Variants in C1orf50 observed in about 807,000 individuals in gnomAD.
The protein encoded by C1orf50 is uncharacterized protein C1orf50.
A neutral mutation model predicts 23.3 loss-of-function variants in C1orf50; 22 were observed. That is an observed-to-expected ratio of 0.94 (90% CI 0.67 to 1.35). The LOEUF (loss-of-function observed/expected upper bound fraction) is 1.35, where lower values mean the gene tolerates loss of function less well. Ranked by LOEUF, C1orf50 falls within the 40% of genes most tolerant of loss-of-function variation. The probability of loss-of-function intolerance (pLI) is 0.00; values close to 1 mark genes in which losing one functional copy is unlikely to be tolerated. For missense variants in C1orf50, 271 were observed against 249.4 expected (o/e 1.09, Z -0.58); for synonymous variants, 96 against 102.4 (o/e 0.94, Z 0.38).
At chr1:42,771,225 A>G (rs974866908) in intron 2 of C1orf50, among the ~76,000 whole-genome samples, 25 of 152,124 alleles carry the variant, frequency 1.6e-4, no homozygotes, top group African/African-American at 5.3e-4. Flanking sequence ...TTTGGTATCT[A>G]TTACTCACTG....
intron 2 of C1orf50, among the ~76,000 whole-genome samples, chr1:42,768,594 C>T (rs1029196047): frequency 4.0e-5 from 6 of 151,678 alleles, no homozygotes; most frequent in East Asian, 1.9e-4. Context: ...AATTCAGATA[C>T]GCAGAAAGCT....
chr1:42,767,259 G>T lies in C1orf50; in HGVS notation c.-53G>T. On this transcript the variant is annotated 5_prime_UTR_variant, in exon 1 of 5. Coordinates refer to ENST00000372525, the MANE Select transcript of C1orf50 (RefSeq NM_024097.4). ...AAGCTCCGCCCACGCGCCTTTATGC[G>T]CAGGCTCTTCCTACTCGCACAGCCC... 6.9e-7 allele frequency: 1 copy of T among 1,456,072 alleles called. No homozygotes were observed. Among genetic ancestry groups the T allele is most frequent in the East Asian group, 2.5e-5 (1 of 40,462 alleles). 90.2% of individuals were successfully genotyped at this position (1,456,072 alleles called of 1,614,324 possible).
rs753852414 is a variant in C1orf50, at chr1:42,767,357, A to G, written c.46A>G (p.Arg16Gly). ...GGGGCGGACCGAGGGGGTCCTTGAA[A>G]GGCAAGGAGCGCCGCCAGCTGCAGG... ...APGRTEGVLERQGAPPAAGQG... is the reference protein window; with the variant it reads ...APGRTEGVLEGQGAPPAAGQG... The change falls in exon 1 of 5, where the codon AGG (arginine) becomes GGG (glycine). Residue 16 changes from arginine to glycine, a missense_variant. By Grantham distance (125) the Arg-to-Gly change is moderately radical (BLOSUM62 -2). Coordinates refer to ENST00000372525, the MANE Select transcript of C1orf50 (RefSeq NM_024097.4). The G allele has an allele frequency of 6.5e-7, 1 of 1,536,722 alleles. No individual in the cohort carries two copies. Among genetic ancestry groups the G allele is most frequent in the Non-Finnish European group, 8.7e-7 (1 of 1,146,236 alleles).
rs753487420 is a variant in C1orf50, at chr1:42,778,502, A to G, written c.*3108A>G. The G allele has an allele frequency of 2.0e-5, 3 of 152,172 alleles. No individual in the cohort carries two copies. Among genetic ancestry groups the G allele is most frequent in the African/African-American group, 7.2e-5 (3 of 41,440 alleles). 9.4% of individuals were successfully genotyped at this position (152,172 alleles called of 1,614,324 possible). A position where few individuals can be genotyped will look rare whatever the true frequency, so the allele number is the denominator to read the frequency against. ...TTCTGGAGGCTCCAATTGCCCTTTC[A>G]TAGGAAGTTTGTCTTTTGGGGGTTG... On this transcript the variant is annotated 3_prime_UTR_variant, in exon 5 of 5. Coordinates refer to ENST00000372525, the MANE Select transcript of C1orf50 (RefSeq NM_024097.4).
intron 2 of C1orf50, 140 bp from the exon 3 acceptor site, chr1:42,773,423 G>GA (rs1275260786): frequency 3.6e-6 from 2 of 551,868 alleles, no homozygotes; most frequent in African/African-American, 3.9e-5. Context: ...GGATGAGTGG[G>GA]AGGCTATGGG....
Position 42,767,322 on chromosome 1 carries a change from C to A in C1orf50, c.11C>A (p.Ala4Asp). 1 of 1,516,154 alleles carries A rather than the reference C, an allele frequency of 6.6e-7. No individual in the cohort carries two copies. The highest frequency in any genetic ancestry group is 1.3e-5 in the South Asian group (1 of 77,740). The allele number at this position is 1,516,154 out of a possible 1,614,324, so 93.9% of individuals were successfully genotyped here. A position where few individuals can be genotyped will look rare whatever the true frequency, so the allele number is the denominator to read the frequency against. Residue 4 changes from alanine (A) to aspartate (D), a missense_variant, in exon 1 of 5, where the codon GCC becomes GAC. Transcript: ENST00000372525. Reference protein sequence around the residue: MEDAAAPGRTEGVL... With the variant: MEDDAAPGRTEGVL... Reference sequence around the variant, plus strand: ...GGATAAGGCGCTGTCATGGAGGACGCCGCCGCGCCGGGGCGGACCGAGGGG... The same window carrying A: ...GGATAAGGCGCTGTCATGGAGGACGACGCCGCGCCGGGGCGGACCGAGGGG...
intron 2 of C1orf50, among the ~76,000 whole-genome samples, chr1:42,770,911 T>G (rs1332688701): frequency 6.6e-6 from 1 of 152,144 alleles, no homozygotes; most frequent in African/African-American, 2.4e-5. Flanking sequence ...TGGTCGGTCC[T>G]CTCCTTTCAT....
intron 2 of C1orf50, among the ~76,000 whole-genome samples, chr1:42,772,835 G>A (rs181127595): frequency 5.8e-4 from 88 of 152,180 alleles, no homozygotes; most frequent in African/African-American, 2.1e-3. Flanking sequence ...GTGACAGGTA[G>A]TCTTGTGTGT....
In C1orf50 at chr1:42,774,750, C is replaced by T. The variant is rs961077851; in HGVS notation, c.296C>T (p.Ala99Val). The T allele has an allele frequency of 1.2e-6, 2 of 1,611,556 alleles. No individual in the cohort carries two copies. Among genetic ancestry groups the T allele is most frequent in the Non-Finnish European group, 1.7e-6 (2 of 1,178,060 alleles). ...QEQARKVLED[A>V]HRDANLHHVA... ...TGTGATTCATAGGTACTGGAAGATG[C>T]TCACAGAGATGCCAACCTGCACCAT... Residue 99 changes from alanine (A) to valine (V), a missense_variant, in exon 4 of 5, where the codon GCT (alanine) becomes GTT (valine). Coordinates refer to ENST00000372525, the MANE Select transcript of C1orf50 (RefSeq NM_024097.4).
intron 2 of C1orf50, 124 bp downstream of exon 2, chr1:42,767,748 G>A (rs185372052): frequency 2.4e-6 from 2 of 849,258 alleles, no homozygotes; most frequent in Admixed American, 5.4e-5. Context: ...CCATTTTACA[G>A]ACGAGTAAAG....
chr1:42,772,171 G>GTAGC (rs1248654879), intron 2 of C1orf50, among the ~76,000 whole-genome samples: 1 of 152,158 alleles, frequency 6.6e-6, no homozygotes. Flanking sequence ...CTGACACATA[G>GTAGC]TAGCTGCCTA....
Position 42,777,770 on chromosome 1 carries a change from AAAG to A in C1orf50, c.*2377_*2379del, listed in dbSNP as rs1012023858. ...AGAAGAAAGGAAAATTCTAGGTAAA[AAAG>A]GCAATATTACTAAGTGGTTAAGTGT... On this transcript the variant is annotated 3_prime_UTR_variant, in exon 5 of 5. Transcript: ENST00000372525. The A allele has an allele frequency of 6.6e-6, 1 of 152,168 alleles. No homozygotes were observed. Among genetic ancestry groups the A allele is most frequent in the Non-Finnish European group, 1.5e-5 (1 of 68,048 alleles). 9.4% of individuals were successfully genotyped at this position (152,168 alleles called of 1,614,324 possible).
At position 42,778,017 on chromosome 1, in the gene C1orf50, C is replaced by T. The variant is rs1378404290; in HGVS notation, c.*2623C>T. 2 of 151,952 alleles carry T rather than the reference C, an allele frequency of 1.3e-5. No homozygotes were observed. The highest frequency in any genetic ancestry group is 1.3e-4 in the Admixed American group (2 of 15,256). The allele number at this position is 151,952 out of a possible 1,614,324, so 9.4% of individuals were successfully genotyped here. On this transcript the variant is annotated 3_prime_UTR_variant, in exon 5 of 5. Transcript: ENST00000372525. ...GAAAAGAGAGAAACTGCCTTCTGTTCAGTAAGATGTACTCCCTGCACTGAC... is the reference window on the plus strand; with the variant it reads ...GAAAAGAGAGAAACTGCCTTCTGTTTAGTAAGATGTACTCCCTGCACTGAC...
In C1orf50 at chr1:42,776,374, T is replaced by C. The variant is rs1033900267; in HGVS notation, c.*980T>C. On this transcript the variant is annotated 3_prime_UTR_variant, in exon 5 of 5. Transcript: ENST00000372525. Reference sequence around the variant, plus strand: ...TATTCTGACTAGGCTCTTGTAGGACTCTACCTTCTTTCCTATCTGTTTGGT... The same window carrying C: ...TATTCTGACTAGGCTCTTGTAGGACCCTACCTTCTTTCCTATCTGTTTGGT... 1 of 152,114 alleles carries C rather than the reference T, an allele frequency of 6.6e-6. No homozygotes were observed. Among genetic ancestry groups the C allele is most frequent in the Non-Finnish European group, 1.5e-5 (1 of 68,040 alleles). The allele number at this position is 152,114 out of a possible 1,614,324, so 9.4% of individuals were successfully genotyped here. A position where few individuals can be genotyped will look rare whatever the true frequency, so the allele number is the denominator to read the frequency against.
chr1:42,771,885 C>T (rs1292046399), intron 2 of C1orf50, among the ~76,000 whole-genome samples: 1 of 150,446 alleles, frequency 6.6e-6, no homozygotes. Context: ...GGCTGAGGTG[C>T]GAGATTTGCT....
intron 2 of C1orf50, among the ~76,000 whole-genome samples, chr1:42,771,220 T>C (rs541854127): frequency 6.6e-6 from 1 of 152,336 alleles, no homozygotes; most frequent in Admixed American, 6.5e-5. Context: ...TACTTTTTGG[T>C]ATCTATTACT....
chr1:42,773,669 C>T lies in C1orf50; in HGVS notation c.282+20C>T, dbSNP rs770747207. 27 of 1,539,040 alleles carry T rather than the reference C, an allele frequency of 1.8e-5. No homozygotes were observed. The highest frequency in any genetic ancestry group is 2.2e-5 in the Non-Finnish European group (25 of 1,115,404). ...AGGAAGGTAAGGAATGACTGTTAGA[C>T]AGGCTTTCATTTTCTTTATTTAGTT... is the stretch of plus-strand genomic sequence containing the variant. On this transcript the variant is annotated intron_variant, in intron 3 of 4. Coordinates refer to ENST00000372525, the MANE Select transcript of C1orf50 (RefSeq NM_024097.4).
At chr1:42,774,991 G>T in intron 4 of C1orf50, 123 bp downstream of exon 4, 1 of 1,237,214 alleles carries the variant, frequency 8.1e-7, no homozygotes. Context: ...GGTGATGTGA[G>T]CCCAGACATG....
intron 2 of C1orf50, chr1:42,769,673 C>T (rs1416544785): frequency 6.6e-6 from 1 of 151,894 alleles, no homozygotes; most frequent in African/African-American, 2.4e-5. Context: ...GAAACCCTGT[C>T]TCTACTAAAA....
Sources: gnomAD v4.1 joint callset for allele counts (sites outside exome capture counted in the v4.1 genomes callset) on GRCh38, gnomAD v4.1.1 for gene constraint, MANE v1.5 for transcripts, NCBI Gene and HGNC (gene_info 2026-07-23, HGNC 2026-07-21) for gene names.